The following TET3 variants were observed in gnomAD, a reference collection of about 807,000 sequenced individuals.
TET3 encodes the protein methylcytosine dioxygenase TET3.
In TET3, 19 loss-of-function variants were observed where a neutral mutation model predicts 141.4. The observed-to-expected ratio is 0.13, with a 90% CI of 0.09 to 0.20. TET3 has a LOEUF of 0.20. Ranked by LOEUF, TET3 falls within the 10% of genes least tolerant of loss-of-function variation. TET3 has a pLI of 1.00. For missense variants in TET3, 1,874 were observed against 2,356.9 expected (o/e 0.80, Z 4.24); for synonymous variants, 1,043 against 980.9 (o/e 1.06, Z -1.18).
chr2:73,985,248 G>T (rs1463266719), intron 1 of TET3, 91 bp downstream of exon 1: 3 of 140,988 alleles, frequency 2.1e-5, no homozygotes, highest in Non-Finnish European at 3.1e-5. Flanking sequence ...GGAGGGGACG[G>T]CCCGGATCCG....
chr2:74,025,612 C>T (rs1686300674), intron 3 of TET3, among the ~76,000 whole-genome samples: 1 of 152,138 alleles, frequency 6.6e-6, no homozygotes, highest in Admixed American at 6.5e-5. Context: ...ACAAAGGAGC[C>T]ATCAAAATCA....
the TET3 span, among the ~76,000 whole-genome samples, chr2:74,119,661 T>G: frequency 2.6e-5 from 4 of 152,238 alleles, no homozygotes; most frequent in Admixed American, 2.6e-4. Context: ...ACTTTAAGAC[T>G]GTGTGAATAA....
intron 4 of TET3, among the ~76,000 whole-genome samples, chr2:74,050,489 A>G (rs370453087): frequency 1.3e-5 from 2 of 152,344 alleles, no homozygotes. Flanking sequence ...TTACCTAGCC[A>G]TGTATAACTA....
intron 5 of TET3, among the ~76,000 whole-genome samples, chr2:74,076,159 C>CT (rs5832120): frequency 0.016 from 2,300 of 146,498 alleles, 50 homozygotes; most frequent in East Asian, 0.085. Flanking sequence ...TGACATATGT[C>CT]TTTTTTTTTT....
At chr2:74,058,824 A>AC (rs1272305956) in intron 4 of TET3, among the ~76,000 whole-genome samples, 1 of 152,202 alleles carries the variant, frequency 6.6e-6, no homozygotes, top group Non-Finnish European at 1.5e-5. Flanking sequence ...AACCTGGCCC[A>AC]CACTCATGTA....
chr2:73,985,937 C>T (rs1239653447), intron 1 of TET3, 43 bp from the exon 2 acceptor site: 1 of 153,662 alleles, frequency 6.5e-6, no homozygotes, highest in Admixed American at 6.5e-5. Flanking sequence ...GAAAGTTGTC[C>T]CTGAGCCCCG....
In TET3 at chr2:74,047,864, T is replaced by C. The variant is rs1327745840; in HGVS notation, c.1947T>C (p.Pro649=). The C allele has an allele frequency of 6.2e-7, 1 of 1,612,926 alleles. No homozygotes were observed. The highest frequency in any genetic ancestry group is 2.2e-5 in the East Asian group (1 of 44,836). Residue 649 remains proline (P), a synonymous_variant, in exon 4 of 12, where the codon CCT becomes CCC. Transcript: ENST00000409262. ...AGGCTCATCCACCGGCCCCTCTGCC[T>C]GCCTCACAGGGCTCTGCTGTGCCCC... ...EVQAHPPAPL[P]ASQGSAVPLP...
the TET3 span, chr2:74,134,457 C>T: frequency 3.5e-6 from 1 of 289,106 alleles, no homozygotes; most frequent in African/African-American, 2.2e-5. Flanking sequence ...TTTTTCTGCC[C>T]TCAAAAATCT....
At position 74,102,172 on chromosome 2, in the gene TET3, T is replaced by C; in HGVS notation, c.5384T>C (p.Ile1795Thr). The C allele has an allele frequency of 2.1e-6, 3 of 1,438,332 alleles. No homozygotes were observed. Among genetic ancestry groups the C allele is most frequent in the Non-Finnish European group, 2.7e-6 (3 of 1,093,494 alleles). 89.1% of individuals were successfully genotyped at this position (1,438,332 alleles called of 1,614,324 possible). Reference sequence around the variant, plus strand: ...GTCACTGGCCCCTACAGCCGCTGGATCTAGGTGCCAGGGAGCCAGCGTACC... The same window carrying C: ...GTCACTGGCCCCTACAGCCGCTGGACCTAGGTGCCAGGGAGCCAGCGTACC... Reference protein sequence around the residue: ...TKVTGPYSRWI With the variant: ...TKVTGPYSRWT The change falls in exon 12 of 12, where the codon ATC (isoleucine) becomes ACC (threonine). Residue 1795 changes from isoleucine (I) to threonine (T), a missense_variant. Ile to Thr is a moderately conservative substitution (Grantham distance 89). Around this residue, in one of 10 missense-constraint regions of TET3, gnomAD observed 113 missense variants for 114.3 expected, o/e 0.99. Transcript: ENST00000409262.
At chr2:74,064,697 C>T (rs71418718) in intron 4 of TET3, among the ~76,000 whole-genome samples, 273 of 152,176 alleles carry the variant, frequency 1.8e-3, no homozygotes, top group Middle Eastern at 6.8e-3. Context: ...CCACAGCTGG[C>T]CCAGATTTTT....
intron 2 of TET3, 45 bp from the exon 3 acceptor site, chr2:74,003,065 C>G (rs1372048055): frequency 1.7e-5 from 27 of 1,549,942 alleles, no homozygotes; most frequent in South Asian, 9.5e-5. Context: ...TTGCTGCCTT[C>G]CTGGTACCCG....
intron 7 of TET3, 98 bp from the exon 8 acceptor site, chr2:74,089,799 G>A (rs1282407230): frequency 6.7e-7 from 1 of 1,489,252 alleles, no homozygotes; most frequent in South Asian, 1.3e-5. Context: ...AGGCTGGTGG[G>A]TGCCAGGGCT....
intron 4 of TET3, among the ~76,000 whole-genome samples, chr2:74,059,086 G>GT (rs1688363320): frequency 6.6e-6 from 1 of 152,122 alleles, no homozygotes. Context: ...CTGTCCTAAG[G>GT]TAACTATTCT....
At chr2:74,049,144 G>A (rs147653700) in intron 4 of TET3, among the ~76,000 whole-genome samples, 76 of 152,226 alleles carry the variant, frequency 5.0e-4, no homozygotes, top group African/African-American at 1.6e-3. Context: ...GGGGTTGGAA[G>A]GTCTCCAGAG....
chr2:74,022,094 C>CTT (rs34529157), intron 3 of TET3, among the ~76,000 whole-genome samples: 6 of 82,746 alleles, frequency 7.3e-5, no homozygotes, highest in African/African-American at 1.5e-4. Flanking sequence ...TTCTAGGACA[C>CTT]TTTTTTTTTT....
chr2:74,076,462 T>G (rs1412270609), intron 5 of TET3, among the ~76,000 whole-genome samples: 7 of 147,558 alleles, frequency 4.7e-5, no homozygotes, highest in Admixed American at 1.4e-4. Context: ...TTTTTTTTTT[T>G]TTTTTTTTGT....
At chr2:73,999,039 A>G (rs1684725602) in intron 2 of TET3, among the ~76,000 whole-genome samples, 1 of 152,170 alleles carries the variant, frequency 6.6e-6, no homozygotes, top group South Asian at 2.1e-4. Context: ...GACTGGTATA[A>G]TCAGAGAAGG....
chr2:74,118,352 T>C, the TET3 span, among the ~76,000 whole-genome samples: 9 of 152,338 alleles, frequency 5.9e-5, no homozygotes, highest in Non-Finnish European at 1.0e-4. Context: ...GATTGAGGTC[T>C]GCAGCTGCAG....
rs200012860 is a variant in TET3, at chr2:74,048,099, C to A, written c.2182C>A (p.Pro728Thr). 1.5e-5 allele frequency: 25 copies of A among 1,613,458 alleles called. No individual in the cohort carries two copies. The highest frequency in any genetic ancestry group is 8.0e-5 in the African/African-American group (6 of 74,890). The change falls in exon 4 of 12, where the codon CCT becomes ACT. Residue 728 changes from proline to threonine, a missense_variant. Transcript: ENST00000409262. Reference protein sequence around the residue: ...FGDSFGLPGPPSVPIQDPENQ... With the variant: ...FGDSFGLPGPTSVPIQDPENQ... ...AGATAGCTTTGGGCTTCCCGGCCCC[C>A]CTTCTGTGCCCATTCAGGACCCCGA...
Sources: allele counts gnomAD v4.1 joint callset (sites outside exome capture counted in the v4.1 genomes callset), GRCh38; gene constraint gnomAD v4.1.1; regional missense constraint gnomAD v4.1.1; transcripts MANE v1.5; gene names NCBI Gene and HGNC (gene_info 2026-07-23, HGNC 2026-07-21).